Variants in PHAF1 observed in about 807,000 individuals in gnomAD.
The protein encoded by PHAF1 is phagophore assembly factor 1, also known as phagosome assembly factor 1.
In PHAF1, 23 loss-of-function variants were observed where a neutral mutation model predicts 63.1. The ratio of observed to expected loss-of-function variants is 0.36; its 90% CI spans 0.26 to 0.52. PHAF1 has a LOEUF of 0.52. PHAF1 is among the 20% of genes least tolerant of loss of function. PHAF1 has a pLI of 0.93. For missense variants in PHAF1, 427 were observed against 517.2 expected (o/e 0.83, Z 1.69); for synonymous variants, 167 against 185.0 (o/e 0.90, Z 0.79).
intron 15 of PHAF1, among the ~76,000 whole-genome samples, chr16:67,146,805 A>T (rs1181850203): frequency 1.3e-5 from 2 of 152,270 alleles, no homozygotes; most frequent in South Asian, 2.1e-4. Flanking sequence ...TCTCCAGCAG[A>T]CACTTAACAG....
chr16:67,138,973 C>T (rs1963703441), intron 8 of PHAF1, among the ~76,000 whole-genome samples: 1 of 152,136 alleles, frequency 6.6e-6, no homozygotes, highest in African/African-American at 2.4e-5. Flanking sequence ...GGCTGGAATG[C>T]AGTGGTGTGA....
At position 67,146,305 on chromosome 16, in the gene PHAF1, A is replaced by G. The variant is rs779930091; in HGVS notation, c.1137A>G (p.Pro379=). The G allele has an allele frequency of 1.9e-6, 3 of 1,614,080 alleles. No homozygotes were observed. The South Asian group carries it at 3.3e-5, about 18-fold the overall frequency. Residue 379 remains proline, a synonymous_variant, in exon 15 of 16, where the codon CCA becomes CCG. Transcript: ENST00000219139. ...HRSSSPNNTN[P]FGSTFCFGLQ... ...CTTCCTCCCCAAACAACACCAACCC[A>G]TTTGGTTCCACATTCTGCTTTGGTC...
intron 1 of PHAF1, among the ~76,000 whole-genome samples, chr16:67,113,659 C>T (rs1962616819): frequency 6.6e-6 from 1 of 151,814 alleles, no homozygotes; most frequent in Non-Finnish European, 1.5e-5. Flanking sequence ...CCGTGTTAGC[C>T]AGGATGGTCT....
chr16:67,145,215 C>T (rs528755979), intron 12 of PHAF1, among the ~76,000 whole-genome samples, 161 bp from the exon 13 acceptor site: 1 of 152,286 alleles, frequency 6.6e-6, no homozygotes, highest in East Asian at 1.9e-4. Flanking sequence ...CCCTTCACCC[C>T]TCCATCCTCT....
intron 1 of PHAF1, among the ~76,000 whole-genome samples, chr16:67,114,095 G>T (rs1962642965): frequency 6.6e-6 from 1 of 152,108 alleles, no homozygotes; most frequent in African/African-American, 2.4e-5. Context: ...AAAAAAGGTA[G>T]ATTTAAAGGG....
intron 5 of PHAF1, 119 bp from the exon 6 acceptor site, chr16:67,132,698 G>C (rs762355761): frequency 5.8e-6 from 7 of 1,207,802 alleles, no homozygotes; most frequent in East Asian, 2.4e-5. Flanking sequence ...TAGTAGGCCA[G>C]TTTAGAAACA....
intron 10 of PHAF1, among the ~76,000 whole-genome samples, chr16:67,142,235 G>A (rs1963840108): frequency 6.6e-6 from 1 of 152,224 alleles, no homozygotes; most frequent in Non-Finnish European, 1.5e-5. Flanking sequence ...ACAGTTGGTA[G>A]TATTGACATC....
Position 67,144,847 on chromosome 16 carries a change from G to A in PHAF1, c.976G>A (p.Glu326Lys), listed in dbSNP as rs760815360. The A allele has an allele frequency of 6.2e-6, 10 of 1,614,036 alleles. No individual in the cohort carries two copies. Among genetic ancestry groups the A allele is most frequent in the Non-Finnish European group, 8.5e-6 (10 of 1,180,032 alleles). The change falls in exon 12 of 16, where the codon GAG (glutamate) becomes AAG (lysine). Residue 326 changes from glutamate to lysine, a missense_variant. Physicochemically the swap from Glu to Lys is moderately conservative, Grantham distance 56. Coordinates refer to ENST00000219139, the MANE Select transcript of PHAF1 (RefSeq NM_025187.5). ...HYNFNIYHRCEFKIPLAIKKE... is the reference protein window; with the variant it reads ...HYNFNIYHRCKFKIPLAIKKE... Reference sequence around the variant, plus strand: ...CCTTCTCTCTAGTTATCATCGCTGTGAGTTCAAGATCCCACTAGCCATAAA... The same window carrying A: ...CCTTCTCTCTAGTTATCATCGCTGTAAGTTCAAGATCCCACTAGCCATAAA...
intron 4 of PHAF1, 35 bp downstream of exon 4, chr16:67,131,364 TG>T (rs1311465273): frequency 1.4e-6 from 2 of 1,457,744 alleles, no homozygotes; most frequent in Non-Finnish European, 1.9e-6. Context: ...ATGTCACACT[TG>T]GTATAGACAG....
intron 10 of PHAF1, among the ~76,000 whole-genome samples, chr16:67,143,784 A>G (rs373426564): frequency 1.1e-4 from 17 of 152,194 alleles, no homozygotes; most frequent in African/African-American, 4.1e-4. Flanking sequence ...GGTAACACAC[A>G]TGACAGAAAA....
Position 67,147,164 on chromosome 16 carries a change from G to T in PHAF1, c.*33G>T. On this transcript the variant is annotated 3_prime_UTR_variant, in exon 16 of 16. Coordinates refer to ENST00000219139, the MANE Select transcript of PHAF1 (RefSeq NM_025187.5). ...ACCACCCATGCCCCTCTGTCCCGTG[G>T]AACTGTGCATCACATCCTGCTCAGT... is the stretch of plus-strand genomic sequence containing the variant. 6.4e-7 allele frequency: 1 copy of T among 1,566,776 alleles called. No individual in the cohort carries two copies. The highest frequency in any genetic ancestry group is 8.8e-7 in the Non-Finnish European group (1 of 1,137,204).
At chr16:67,136,661 C>T (rs1355857927) in intron 8 of PHAF1, among the ~76,000 whole-genome samples, 1 of 145,554 alleles carries the variant, frequency 6.9e-6, no homozygotes, top group Non-Finnish European at 1.5e-5. Flanking sequence ...TAGCTAAGTG[C>T]AGCCTTGAAC....
chr16:67,120,004 C>T, intron 1 of PHAF1, 108 bp from the exon 2 acceptor site: 1 of 820,110 alleles, frequency 1.2e-6, no homozygotes, highest in Non-Finnish European at 2.0e-6. Flanking sequence ...ACCTTAGTAG[C>T]CCCCAAACAT....
intron 12 of PHAF1, among the ~76,000 whole-genome samples, 184 bp downstream of exon 12, chr16:67,145,061 T>G (rs1244273038): frequency 6.6e-6 from 1 of 152,174 alleles, no homozygotes; most frequent in Non-Finnish European, 1.5e-5. Context: ...CTAGAGGCCC[T>G]TGAGGCCTCT....
In PHAF1 at chr16:67,147,107, C is replaced by T. The variant is rs748269863; in HGVS notation, c.1245C>T (p.His415=). Residue 415 remains histidine (H), a synonymous_variant, in exon 16 of 16, where the codon CAC becomes CAT. Transcript: ENST00000219139. ...TLYGPPRPGS[H]LRTAELP is the part of the protein sequence containing the mutation. ...ATGGCCCCCCCAGGCCTGGTAGCCACCTGAGAACAGCGGAACTCCCCTAGG... is the reference window on the plus strand; with the variant it reads ...ATGGCCCCCCCAGGCCTGGTAGCCATCTGAGAACAGCGGAACTCCCCTAGG... 5 of 1,613,866 alleles carry T rather than the reference C, an allele frequency of 3.1e-6. No individual in the cohort carries two copies. The highest frequency in any genetic ancestry group is 3.4e-6 in the Non-Finnish European group (4 of 1,179,772).
chr16:67,142,666 A>G (rs917338577), intron 10 of PHAF1, among the ~76,000 whole-genome samples: 7 of 152,186 alleles, frequency 4.6e-5, no homozygotes, highest in Admixed American at 3.9e-4. Flanking sequence ...AGGCACTTTC[A>G]AGCCTGCCGG....
At chr16:67,132,959 G>A (rs1201379207) in intron 6 of PHAF1, 48 bp downstream of exon 6, 2 of 1,441,760 alleles carry the variant, frequency 1.4e-6, no homozygotes, top group East Asian at 2.3e-5. Flanking sequence ...TCTGTGGTAT[G>A]GCTCAGCAGA....
At chr16:67,121,292 C>T (rs569343857) in intron 2 of PHAF1, among the ~76,000 whole-genome samples, 1 of 151,652 alleles carries the variant, frequency 6.6e-6, no homozygotes, top group East Asian at 1.9e-4. Flanking sequence ...TGGGTTCACC[C>T]GCCATTCTCC....
chr16:67,145,380 C>G lies in PHAF1; in HGVS notation c.1011C>G (p.Asn337Lys), dbSNP rs111855351. 72 of 1,614,144 alleles carry G rather than the reference C, an allele frequency of 4.5e-5. No homozygotes were observed. The African/African-American group carries it at 5.2e-4, about 12-fold the overall frequency. ...FKIPLAIKKE[N>K]ADGQTETCTT... Reference sequence around the variant, plus strand: ...CCCACTGTCTTCTCTTTTCAGAAAACGCAGATGGTCAGACAGAAACATGCA... The same window carrying G: ...CCCACTGTCTTCTCTTTTCAGAAAAGGCAGATGGTCAGACAGAAACATGCA... The change falls in exon 13 of 16, where the codon AAC (asparagine) becomes AAG (lysine). Residue 337 changes from asparagine to lysine, a missense_variant. Physicochemically the swap from Asn to Lys is moderately conservative, Grantham distance 94 (BLOSUM62 0). Coordinates refer to ENST00000219139, the MANE Select transcript of PHAF1 (RefSeq NM_025187.5).
Sources: allele counts gnomAD v4.1 joint callset (sites outside exome capture counted in the v4.1 genomes callset), GRCh38; gene constraint gnomAD v4.1.1; transcripts MANE v1.5; gene names NCBI Gene and HGNC (gene_info 2026-07-23, HGNC 2026-07-21).